Variants in FAT2 observed in about 807,000 individuals in gnomAD.
FAT2 encodes protocadherin Fat 2.
A neutral mutation model predicts 295.3 loss-of-function variants in FAT2; 150 were observed. That is an observed-to-expected ratio of 0.51 (90% CI 0.44 to 0.58). FAT2 has a LOEUF of 0.58. Among genes scored for constraint, FAT2 ranks in the 20% least tolerant of loss-of-function variants. The pLI is 0.00. For missense variants in FAT2, 4,868 were observed against 5,442.7 expected, an observed-to-expected ratio of 0.89 and a Z score of 3.32; for synonymous variants, 2,026 against 2,150.3, an observed-to-expected ratio of 0.94 and a Z score of 1.60.
In FAT2 at chr5:151,507,519, A is replaced by G. The variant is rs2127564862; in HGVS notation, c.12152T>C (p.Ile4051Thr). The change falls in exon 23 of 24, where the codon ATC becomes ACC. Residue 4051 changes from isoleucine (I) to threonine (T), a missense_variant. By Grantham distance (89) the Ile-to-Thr change is moderately conservative (BLOSUM62 -1). Around this residue, in one of 5 missense-constraint regions of FAT2, gnomAD observed 492 missense variants for 482.6 expected, o/e 1.02. Coordinates refer to ENST00000261800, the MANE Select transcript of FAT2 (RefSeq NM_001447.3). ...AATGAACGCCACGGCCACTGTGATG[A>G]TCAGTAACTCCTGCTGCCCCCAGTC... ...RGDWGQQELL[I>T]ITVAVAFIII... 6.2e-7 allele frequency: 1 copy of G among 1,614,036 alleles called. No homozygotes were observed. The highest frequency in any genetic ancestry group is 8.5e-7 in the Non-Finnish European group (1 of 1,180,004).
At chr5:151,582,432 A>G (rs529267996) in intron 1 of FAT2, among the ~76,000 whole-genome samples, 1 of 152,262 alleles carries the variant, frequency 6.6e-6, no homozygotes, top group South Asian at 2.1e-4. Flanking sequence ...CCCTGAGGGG[A>G]TGGGGGTGAG....
In FAT2 at chr5:151,545,631, G is replaced by A. The variant is rs1277990144; in HGVS notation, c.5496C>T (p.Ser1832=). Residue 1832 remains serine (S), a synonymous_variant, in exon 10 of 24, where the codon AGC becomes AGT. Transcript: ENST00000261800. ...LTIVSEMDYE[S]MPSFQFCVYV... ...AGACACAGAATTGGAAAGAGGGCATGCTCTCATAATCCATCTCTGATACAA... is the reference window on the plus strand; with the variant it reads ...AGACACAGAATTGGAAAGAGGGCATACTCTCATAATCCATCTCTGATACAA... The A allele has an allele frequency of 6.2e-7, 1 of 1,614,004 alleles. No individual in the cohort carries two copies. Among genetic ancestry groups the A allele is most frequent in the African/African-American group, 1.3e-5 (1 of 74,924 alleles).
intron 19 of FAT2, among the ~76,000 whole-genome samples, chr5:151,520,260 T>C (rs558171675): frequency 1.3e-5 from 2 of 152,384 alleles, no homozygotes; most frequent in Admixed American, 6.5e-5. Context: ...CCAAGGCTCC[T>C]GAGCTGCTCC....
chr5:151,525,247 T>C (rs1324789295), intron 18 of FAT2, among the ~76,000 whole-genome samples: 1 of 152,202 alleles, frequency 6.6e-6, no homozygotes, highest in Non-Finnish European at 1.5e-5. Context: ...CAGACCACCA[T>C]CTTGGCCACT....
At chr5:151,573,073 T>C (rs1290835034) in intron 1 of FAT2, among the ~76,000 whole-genome samples, 1 of 152,190 alleles carries the variant, frequency 6.6e-6, no homozygotes, top group African/African-American at 2.4e-5. Flanking sequence ...TTAGGATATA[T>C]GTATGAACCA....
intron 12 of FAT2, 74 bp from the exon 13 acceptor site, chr5:151,534,716 A>G: frequency 1.5e-6 from 2 of 1,297,942 alleles, no homozygotes; most frequent in Non-Finnish European, 2.2e-6. Context: ...CTATATATCT[A>G]CAGGAGACAA....
intron 2 of FAT2, 39 bp from the exon 3 acceptor site, chr5:151,563,678 G>A (rs760826089): frequency 1.3e-6 from 2 of 1,560,856 alleles, no homozygotes; most frequent in Non-Finnish European, 1.8e-6. Flanking sequence ...ATACTTTAGA[G>A]CTCAAAGTGG....
chr5:151,554,125 TTCTC>T (rs1757476671), intron 5 of FAT2, among the ~76,000 whole-genome samples: 1 of 152,194 alleles, frequency 6.6e-6, no homozygotes, highest in Admixed American at 6.5e-5. Flanking sequence ...CACTAAATCC[TTCTC>T]TCTAAGAATA....
rs2127628317 is a variant in FAT2 at position 151,553,446 on chromosome 5, C to T, written c.3946-59G>A. On this transcript the variant is annotated intron_variant, in intron 5 of 23. Transcript: ENST00000261800. ...GGGCCAAGAGACAGGAAGACCCAAGCAGCCAGGACAGGAACCAGAGCGTCC... is the reference window on the plus strand; with the variant it reads ...GGGCCAAGAGACAGGAAGACCCAAGTAGCCAGGACAGGAACCAGAGCGTCC... The T allele has an allele frequency of 3.4e-6, 5 of 1,477,666 alleles. No homozygotes were observed. In the South Asian group the frequency reaches 5.9e-5, roughly 17 times the overall value. 91.5% of individuals were successfully genotyped at this position (1,477,666 alleles called of 1,614,324 possible). A position where few individuals can be genotyped will look rare whatever the true frequency, so the allele number is the denominator to read the frequency against.
chr5:151,551,708 T>C, intron 6 of FAT2, 102 bp from the exon 7 acceptor site: 6 of 1,234,086 alleles, frequency 4.9e-6, no homozygotes, highest in Non-Finnish European at 6.9e-6. Flanking sequence ...CGGTGGTAAA[T>C]TCCACAGTAC....
At chr5:151,523,349 C>T (rs886407878) in intron 18 of FAT2, among the ~76,000 whole-genome samples, 1 of 152,082 alleles carries the variant, frequency 6.6e-6, no homozygotes, top group African/African-American at 2.4e-5. Context: ...TATGATAATG[C>T]TGTAAATACA....
In FAT2 at chr5:151,527,221, G is replaced by T. The variant is rs1168623264; in HGVS notation, c.10308+13C>A. 6.3e-7 allele frequency: 1 copy of T among 1,594,094 alleles called. No individual in the cohort carries two copies. Among genetic ancestry groups the T allele is most frequent in the Non-Finnish European group, 8.6e-7 (1 of 1,168,262 alleles). On this transcript the variant is annotated intron_variant, in intron 17 of 23. Transcript: ENST00000261800. ...GAGGAAGGGCTCAGGGTGCCTTGGA[G>T]GCTCAAGCTTACCTGGACAGTGGTG... is the stretch of plus-strand genomic sequence containing the variant.
chr5:151,512,716 GGTGTTTGGC>G lies in FAT2; in HGVS notation c.11464-119_11464-111del. 2 of 1,020,210 alleles carry G rather than the reference GGTGTTTGGC, an allele frequency of 2.0e-6. No individual in the cohort carries two copies. Among genetic ancestry groups the G allele is most frequent in the Non-Finnish European group, 2.8e-6 (2 of 702,336 alleles). The allele number at this position is 1,020,210 out of a possible 1,614,324, so 63.2% of individuals were successfully genotyped here. A position where few individuals can be genotyped will look rare whatever the true frequency, so the allele number is the denominator to read the frequency against. On this transcript the variant is annotated intron_variant, in intron 20 of 23. Coordinates refer to ENST00000261800, the MANE Select transcript of FAT2 (RefSeq NM_001447.3). This position sits in a 1 kb window ranked among gnomAD's most constrained non-coding sequence, Gnocchi z 4.1. ...TTTGTATTTTTATGGGTAGGAGGGGGGTGTTTGGCTGTTTTAGACATGGCATTTGCAGAG... is the reference window on the plus strand; with the variant it reads ...TTTGTATTTTTATGGGTAGGAGGGGGTGTTTTAGACATGGCATTTGCAGAG...
rs149226143 is a variant in FAT2 at position 151,538,476 on chromosome 5, G to A, written c.9040-530C>T. ...AGGTCTGGACTCCAGTGGCCCCATC[G>A]CTTGGCCCACCCTCCCTTTGCTGCA... On this transcript the variant is annotated intron_variant, in intron 11 of 23. Transcript: ENST00000261800. Among the ~76,000 whole-genome samples, 713 of 152,244 alleles carry A rather than the reference G, an allele frequency of 4.7e-3. 5 individuals are homozygous for A. Among genetic ancestry groups the A allele is most frequent in the African/African-American group, 0.016 (662 of 41,552 alleles).
rs778254699 is a variant in FAT2, at chr5:151,566,682, C to G, written c.2250G>C (p.Leu750=). 6.2e-7 allele frequency: 1 copy of G among 1,614,150 alleles called. No individual in the cohort carries two copies. Among genetic ancestry groups the G allele is most frequent in the Admixed American group, 1.7e-5 (1 of 60,026 alleles). The part of the protein sequence containing the change: ...TDPDAGFNGK[L]VYVIADGNEE... The stretch of plus-strand genomic sequence containing the variant: ...CATTGCCATCTGCAATCACATAGAC[C>G]AGTTTGCCATTAAAACCAGCATCAG... The change falls in exon 2 of 24, where the codon CTG becomes CTC. Residue 750 remains leucine, a synonymous_variant. Coordinates refer to ENST00000261800, the MANE Select transcript of FAT2 (RefSeq NM_001447.3).
At position 151,545,607 on chromosome 5, in the gene FAT2, G is replaced by T. The variant is rs201106581; in HGVS notation, c.5520C>A (p.Val1840=). 6.2e-7 allele frequency: 1 copy of T among 1,614,092 alleles called. No homozygotes were observed. The highest frequency in any genetic ancestry group is 2.2e-5 in the East Asian group (1 of 44,884). The change falls in exon 10 of 24, where the codon GTC becomes GTA. Residue 1840 remains valine (V), a synonymous_variant. Coordinates refer to ENST00000261800, the MANE Select transcript of FAT2 (RefSeq NM_001447.3). The part of the protein sequence containing the change: ...YESMPSFQFC[V]YVHDQGSPVL... ...CAGGGCTTCCTTGGTCATGGACATA[G>T]ACACAGAATTGGAAAGAGGGCATGC...
At chr5:151,546,439 G>T in intron 9 of FAT2, 102 bp from the exon 10 acceptor site, 3 of 751,320 alleles carry the variant, frequency 4.0e-6, no homozygotes, top group African/African-American at 1.7e-5. Context: ...CCTGGACAGA[G>T]CAAAATCTGC....
intron 12 of FAT2, among the ~76,000 whole-genome samples, chr5:151,537,324 AAAAAGAAAG>A (rs1220954306): frequency 1.9e-4 from 2 of 10,304 alleles, no homozygotes; most frequent in Non-Finnish European, 3.3e-4. Flanking sequence ...AGAAAGAGAA[AAAAAGAAAG>A]AAAAGAAAAG....
intron 3 of FAT2, among the ~76,000 whole-genome samples, chr5:151,562,261 T>G (rs1217628953): frequency 1.3e-5 from 2 of 152,168 alleles, no homozygotes; most frequent in African/African-American, 4.8e-5. Context: ...ATTCTTCCTT[T>G]CCTCCAATCT....
Sources: gnomAD v4.1 joint callset for allele counts (sites outside exome capture counted in the v4.1 genomes callset) on GRCh38, gnomAD v4.1.1 for gene constraint, gnomAD v4.1.1 regional missense constraint, Gnocchi (gnomAD v3.1) non-coding constraint, MANE v1.5 for transcripts, NCBI Gene and HGNC (gene_info 2026-07-23, HGNC 2026-07-21) for gene names.